The following PARD3B variants were observed in gnomAD, a reference collection of about 807,000 sequenced individuals.
PARD3B encodes partitioning defective 3 homolog B.
Under a neutral mutation model 130.2 loss-of-function variants are expected in PARD3B, and 103 were observed. The ratio of observed to expected loss-of-function variants is 0.79; its 90% CI spans 0.67 to 0.93. PARD3B has a LOEUF of 0.93. PARD3B is among the 40% of genes least tolerant of loss of function. The probability of loss-of-function intolerance (pLI) is 0.00; values close to 1 mark genes in which losing one functional copy is unlikely to be tolerated. For synonymous variants in PARD3B, 583 were observed against 553.2 expected, an observed-to-expected ratio of 1.05 and a Z score of -0.76; for missense variants, 1,609 against 1,499.2, an observed-to-expected ratio of 1.07 and a Z score of -1.21.
intron 21 of PARD3B, among the ~76,000 whole-genome samples, chr2:205,517,794 ATTAGTT>A (rs2050855257): frequency 6.6e-6 from 1 of 152,098 alleles, no homozygotes; most frequent in African/African-American, 2.4e-5. Flanking sequence ...TTTTGTTCTC[ATTAGTT>A]TTAAAGAACT....
At chr2:205,270,568 A>G (rs1325696870) in intron 16 of PARD3B, among the ~76,000 whole-genome samples, 2 of 151,276 alleles carry the variant, frequency 1.3e-5, no homozygotes, top group African/African-American at 4.9e-5. Context: ...CTCCATCTCA[A>G]AAAAAAAACA....
At position 204,887,937 on chromosome 2, in the gene PARD3B, C is replaced by T. The variant is rs1236673083; in HGVS notation, c.223-77215C>T. The stretch of plus-strand genomic sequence containing the variant: ...CCTTAGAGAGGAGGTGAAATTTGAG[C>T]TGATTCTTGAGGAATGTATGAGAAC... On this transcript the variant is annotated intron_variant, in intron 2 of 22. Transcript: ENST00000406610. This position sits in a 1 kb window ranked among gnomAD's most constrained non-coding sequence, Gnocchi z 4.2. Among the ~76,000 whole-genome samples the T allele has an allele frequency of 2.0e-5, 3 of 152,064 alleles. No homozygotes were observed. Among genetic ancestry groups the T allele is most frequent in the African/African-American group, 4.8e-5 (2 of 41,398 alleles).
chr2:204,624,073 C>G (rs1323274069), intron 1 of PARD3B, among the ~76,000 whole-genome samples: 1 of 152,026 alleles, frequency 6.6e-6, no homozygotes, highest in Admixed American at 6.6e-5. Context: ...AAATGTCCAT[C>G]ATTTAGAGTG....
rs569735547 is a variant in PARD3B, at chr2:204,594,643, T to C, written c.120+48524T>C. Among the ~76,000 whole-genome samples, 140 of 152,304 alleles carry C rather than the reference T, an allele frequency of 9.2e-4. 1 individual carries two copies. In the South Asian group the frequency reaches 0.023, roughly 25 times the overall value. ...TTGACCGTAATTGCTAATCACCCCTTCTTCCCTTTGTCACTGAGTCCTGTG... is the reference window on the plus strand; with the variant it reads ...TTGACCGTAATTGCTAATCACCCCTCCTTCCCTTTGTCACTGAGTCCTGTG... On this transcript the variant is annotated intron_variant, in intron 1 of 22. Transcript: ENST00000406610.
At chr2:205,103,817 C>A in intron 4 of PARD3B, 1 of 859,016 alleles carries the variant, frequency 1.2e-6, no homozygotes, top group Non-Finnish European at 1.4e-6. Flanking sequence ...CAGGGCCTCT[C>A]TGACCCTCTA....
At chr2:204,685,972 T>C (rs2037056782) in intron 1 of PARD3B, among the ~76,000 whole-genome samples, 1 of 152,202 alleles carries the variant, frequency 6.6e-6, no homozygotes, top group Admixed American at 6.5e-5. Flanking sequence ...TGATGAAATA[T>C]GTATACCTTG....
chr2:205,333,261 T>C (rs1334815362), intron 18 of PARD3B, among the ~76,000 whole-genome samples: 1 of 152,112 alleles, frequency 6.6e-6, no homozygotes, highest in East Asian at 1.9e-4. Flanking sequence ...AGCTCTTGAA[T>C]GTGACAGGTC....
chr2:205,388,729 G>C (rs1035371720), intron 18 of PARD3B, among the ~76,000 whole-genome samples: 1 of 152,004 alleles, frequency 6.6e-6, no homozygotes, highest in Non-Finnish European at 1.5e-5. Flanking sequence ...CTTGTCTTTT[G>C]TTCAGGCCCC....
chr2:204,848,873 TTTTG>T (rs1313098716), intron 2 of PARD3B, among the ~76,000 whole-genome samples: 1 of 152,094 alleles, frequency 6.6e-6, no homozygotes, highest in African/African-American at 2.4e-5. Flanking sequence ...TTTGACTTTG[TTTTG>T]TTTCTCATTT....
Position 204,766,880 on chromosome 2 carries a change from C to T in PARD3B, c.222+80598C>T, listed in dbSNP as rs1296740356. Among the ~76,000 whole-genome samples the T allele has an allele frequency of 6.1e-5, 9 of 148,190 alleles. No homozygotes were observed. The East Asian group carries it at 7.8e-4, about 13-fold the overall frequency. ...ATTGAGGTAAAATATTATCCAGATT[C>T]GGTTTAGAAATTAATGGTAATATTT... is the stretch of plus-strand genomic sequence containing the variant. On this transcript the variant is annotated intron_variant, in intron 2 of 22. Transcript: ENST00000406610.
chr2:204,684,455 C>T (rs1041779945), intron 1 of PARD3B, among the ~76,000 whole-genome samples: 8 of 152,032 alleles, frequency 5.3e-5, no homozygotes, highest in Non-Finnish European at 1.2e-4. Flanking sequence ...TTAATATTTC[C>T]GTCAGAAGTC....
At chr2:204,801,176 T>G (rs1241740579) in intron 2 of PARD3B, among the ~76,000 whole-genome samples, 1 of 152,192 alleles carries the variant, frequency 6.6e-6, no homozygotes, top group Non-Finnish European at 1.5e-5. Flanking sequence ...TCTTTTTGCT[T>G]AGGATTGTCT....
rs1238675376 is a variant in PARD3B at position 205,473,697 on chromosome 2, TATATATATATATAC to T, written c.3045-26197_3045-26184del. On this transcript the variant is annotated intron_variant, in intron 20 of 22. Transcript: ENST00000406610. The surrounding 1 kb of genome is among the most constrained non-coding windows in gnomAD (Gnocchi z 4.9). ...GTGTGTGTGTATGTATATATATATA[TATATATATATATAC>T]ACACACACGTATATAAAACCCTAAA... Among the ~76,000 whole-genome samples the T allele has an allele frequency of 1.4e-4, 18 of 126,134 alleles. No homozygotes were observed. The highest frequency in any genetic ancestry group is 6.5e-4 in the African/African-American group (17 of 26,282). 82.7% of individuals were successfully genotyped at this position (126,134 alleles called of 152,430 possible).
chr2:205,438,619 G>C (rs1402597651), intron 19 of PARD3B, among the ~76,000 whole-genome samples: 1 of 152,132 alleles, frequency 6.6e-6, no homozygotes, highest in East Asian at 1.9e-4. Context: ...TTGCAGAATG[G>C]AGCAGGTTAT....
chr2:205,156,369 A>G (rs1191523531), intron 10 of PARD3B, among the ~76,000 whole-genome samples: 1 of 151,942 alleles, frequency 6.6e-6, no homozygotes, highest in Non-Finnish European at 1.5e-5. Flanking sequence ...ATATGTAACT[A>G]ACCTGCACAT....
chr2:204,647,706 G>T (rs2125163286), intron 1 of PARD3B, among the ~76,000 whole-genome samples: 1 of 151,840 alleles, frequency 6.6e-6, no homozygotes, highest in Admixed American at 6.6e-5. Flanking sequence ...AGAAGAACAG[G>T]GATAGAATAT....
At chr2:205,020,149 G>A (rs771742287) in intron 3 of PARD3B, among the ~76,000 whole-genome samples, 12 of 152,106 alleles carry the variant, frequency 7.9e-5, no homozygotes, top group Non-Finnish European at 1.6e-4. Context: ...CACTTAGGAT[G>A]ACTTCTTTAT....
At chr2:205,367,274 C>T (rs892056054) in intron 18 of PARD3B, among the ~76,000 whole-genome samples, 7 of 152,142 alleles carry the variant, frequency 4.6e-5, no homozygotes, top group African/African-American at 1.4e-4. Context: ...AGAAGAAATA[C>T]AATAATCCAT....
Position 204,910,045 on chromosome 2 carries a change from T to C in PARD3B, c.223-55107T>C, listed in dbSNP as rs571731209. Among the ~76,000 whole-genome samples, 81 of 152,060 alleles carry C rather than the reference T, an allele frequency of 5.3e-4. 1 individual carries two copies. The South Asian group carries it at 5.4e-3, about 10-fold the overall frequency. ...TGATTAGATGATGAGTAAAGAAGAG[T>C]ATTGGTGGACCTCCAATATTGAGCT... is the stretch of plus-strand genomic sequence containing the variant. On this transcript the variant is annotated intron_variant, in intron 2 of 22. Coordinates refer to ENST00000406610, the MANE Select transcript of PARD3B (RefSeq NM_001302769.2).
Sources: gnomAD v4.1 joint callset for allele counts (sites outside exome capture counted in the v4.1 genomes callset) on GRCh38, gnomAD v4.1.1 for gene constraint, Gnocchi (gnomAD v3.1) non-coding constraint, MANE v1.5 for transcripts, NCBI Gene and HGNC (gene_info 2026-07-23, HGNC 2026-07-21) for gene names.